Variants in SLC5A3 observed in about 807,000 individuals in gnomAD.
The protein encoded by SLC5A3 is sodium/myo-inositol cotransporter.
Under a neutral mutation model 43.2 loss-of-function variants are expected in SLC5A3, and 10 were observed. That is an observed-to-expected ratio of 0.23 (90% CI 0.14 to 0.39). SLC5A3 has a LOEUF of 0.39. Among genes scored for constraint, SLC5A3 ranks in the 10% least tolerant of loss-of-function variants. The pLI, the probability that SLC5A3 is intolerant of heterozygous loss-of-function variation, is 1.00. For synonymous variants in SLC5A3, 349 were observed against 322.0 expected, an observed-to-expected ratio of 1.08 and a Z score of -0.90; for missense variants, 608 against 893.4, an observed-to-expected ratio of 0.68 and a Z score of 4.07.
chr21:34,078,168 C>T (rs1033736890), intron 1 of SLC5A3, among the ~76,000 whole-genome samples: 5 of 152,100 alleles, frequency 3.3e-5, no homozygotes, highest in Non-Finnish European at 7.4e-5. Flanking sequence ...ATGGGCCCTC[C>T]CTAAACAGCT....
At chr21:34,081,379 A>G (rs554898994) in intron 1 of SLC5A3, among the ~76,000 whole-genome samples, 1 of 152,310 alleles carries the variant, frequency 6.6e-6, no homozygotes, top group Admixed American at 6.5e-5. Context: ...TACTTAATAA[A>G]ATACTTAAGG....
rs532811229 is a variant in SLC5A3 at position 34,103,325 on chromosome 21, A to AC, written c.*5970_*5971insC. ...AACTAGTGAAGGAAGTAAAAAAAAA[A>AC]AAAAAACATGCATTACATTGACATA... On this transcript the variant is annotated 3_prime_UTR_variant, in exon 2 of 2. Transcript: ENST00000381151. 1.4e-5 allele frequency: 14 copies of AC among 999,154 alleles called. No individual in the cohort carries two copies. In the East Asian group the frequency reaches 3.4e-4, roughly 24 times the overall value. 61.9% of individuals were successfully genotyped at this position (999,154 alleles called of 1,614,324 possible).
intron 1 of SLC5A3, among the ~76,000 whole-genome samples, chr21:34,080,291 A>C (rs1989429858): frequency 6.6e-6 from 1 of 152,200 alleles, no homozygotes; most frequent in Non-Finnish European, 1.5e-5. Context: ...CTCATTTTCA[A>C]ATACATGCAG....
chr21:34,105,100 T>A lies in SLC5A3; in HGVS notation c.*7745T>A. The stretch of plus-strand genomic sequence containing the variant: ...AATGCAAAAGCTTTATTTTTTTTAA[T>A]AATGCCATACTCCATTAGTGTCAGA... On this transcript the variant is annotated 3_prime_UTR_variant, in exon 2 of 2. Transcript: ENST00000381151. 2.0e-6 allele frequency: 2 copies of A among 1,000,216 alleles called. No individual in the cohort carries two copies. The highest frequency in any genetic ancestry group is 9.4e-5 in the South Asian group (2 of 21,290). The allele number at this position is 1,000,216 out of a possible 1,614,324, so 62.0% of individuals were successfully genotyped here.
chr21:34,080,095 A>G (rs953372958), intron 1 of SLC5A3, among the ~76,000 whole-genome samples: 2 of 152,168 alleles, frequency 1.3e-5, no homozygotes, highest in Non-Finnish European at 2.9e-5. Context: ...CTCCTGACAT[A>G]CTACTGAGGG....
Position 34,105,132 on chromosome 21 carries a change from T to C in SLC5A3, c.*7777T>C, listed in dbSNP as rs1448836943. ...ATACTCCATTAGTGTCAGATGATGG[T>C]ATGGAATTTGTTCCCTTGCTTTCCC... On this transcript the variant is annotated 3_prime_UTR_variant, in exon 2 of 2. Coordinates refer to ENST00000381151, the MANE Select transcript of SLC5A3 (RefSeq NM_006933.7). 5.0e-6 allele frequency: 5 copies of C among 1,000,234 alleles called. No homozygotes were observed. The East Asian group carries it at 4.5e-4, about 91-fold the overall frequency. 62.0% of individuals were successfully genotyped at this position (1,000,234 alleles called of 1,614,324 possible).
chr21:34,085,555 A>C (rs112967884), intron 1 of SLC5A3, among the ~76,000 whole-genome samples: 1,741 of 151,652 alleles, frequency 0.011, 37 homozygotes, highest in South Asian at 0.081. Flanking sequence ...GCAAACTTAG[A>C]TATATCATTT....
chr21:34,100,583 T>G lies in SLC5A3; in HGVS notation c.*3228T>G. ...GGCACAAAGAGCCTGGCCAGGGTCA[T>G]GTAGCCATAGCTCTTAGGGATGATA... On this transcript the variant is annotated 3_prime_UTR_variant, in exon 2 of 2. Coordinates refer to ENST00000381151, the MANE Select transcript of SLC5A3 (RefSeq NM_006933.7). 2 of 1,000,274 alleles carry G rather than the reference T, an allele frequency of 2.0e-6. No individual in the cohort carries two copies. The highest frequency in any genetic ancestry group is 9.4e-5 in the South Asian group (2 of 21,286). The allele number at this position is 1,000,274 out of a possible 1,614,324, so 62.0% of individuals were successfully genotyped here.
chr21:34,076,643 TAAAA>T (rs781655741), intron 1 of SLC5A3, among the ~76,000 whole-genome samples: 7 of 152,166 alleles, frequency 4.6e-5, no homozygotes, highest in Non-Finnish European at 8.8e-5. Context: ...AGTGTGTATA[TAAAA>T]AAAGTTATTT....
rs1979105238 is a variant in SLC5A3 at position 34,098,999 on chromosome 21, T to TAAA, written c.*1646_*1647insAAA. On this transcript the variant is annotated 3_prime_UTR_variant, in exon 2 of 2. Transcript: ENST00000381151. ...ATTTTGAATCAAAACTCAGTCTTTTTAATTTTTTTGTAGTCTATAAACTAG... is the reference window on the plus strand; with the variant it reads ...ATTTTGAATCAAAACTCAGTCTTTTTAAAAATTTTTTTGTAGTCTATAAACTAG... The TAAA allele has an allele frequency of 1.0e-6, 1 of 990,950 alleles. No homozygotes were observed. 61.4% of individuals were successfully genotyped at this position (990,950 alleles called of 1,614,324 possible).
At chr21:34,092,394 T>C (rs909060920) in intron 1 of SLC5A3, among the ~76,000 whole-genome samples, 2 of 151,866 alleles carry the variant, frequency 1.3e-5, no homozygotes, top group Non-Finnish European at 2.9e-5. Context: ...TGGTATGGTA[T>C]CCAGTGAGAA....
At chr21:34,090,259 C>T (rs1978617542) in intron 1 of SLC5A3, among the ~76,000 whole-genome samples, 1 of 152,214 alleles carries the variant, frequency 6.6e-6, no homozygotes, top group African/African-American at 2.4e-5. Flanking sequence ...CCTTGCTCCA[C>T]ATTTTTAAAG....
Position 34,104,748 on chromosome 21 carries a change from A to G in SLC5A3, c.*7393A>G. The G allele has an allele frequency of 1.0e-6, 1 of 1,000,312 alleles. No homozygotes were observed. Among genetic ancestry groups the G allele is most frequent in the African/African-American group, 1.7e-5 (1 of 57,356 alleles). The allele number at this position is 1,000,312 out of a possible 1,614,324, so 62.0% of individuals were successfully genotyped here. On this transcript the variant is annotated 3_prime_UTR_variant, in exon 2 of 2. Transcript: ENST00000381151. Reference sequence around the variant, plus strand: ...AGTGCAGGAAAGAGAAGTTTGAGGAACACCCTTGGCTTAGCAACATGTGAT... The same window carrying G: ...AGTGCAGGAAAGAGAAGTTTGAGGAGCACCCTTGGCTTAGCAACATGTGAT...
At chr21:34,087,535 C>T (rs532307438) in intron 1 of SLC5A3, among the ~76,000 whole-genome samples, 3 of 152,188 alleles carry the variant, frequency 2.0e-5, no homozygotes, top group South Asian at 4.2e-4. Flanking sequence ...AGTTTTATAG[C>T]GTGTTAGGTG....
At chr21:34,083,030 T>G (rs1190676375) in intron 1 of SLC5A3, among the ~76,000 whole-genome samples, 3 of 152,194 alleles carry the variant, frequency 2.0e-5, no homozygotes, top group Admixed American at 6.5e-5. Flanking sequence ...TAAACTGGCA[T>G]TTTTCTGCTT....
chr21:34,092,204 A>G (rs1978733472), intron 1 of SLC5A3, among the ~76,000 whole-genome samples: 1 of 152,186 alleles, frequency 6.6e-6, no homozygotes, highest in Non-Finnish European at 1.5e-5. Flanking sequence ...ACTGAAATTC[A>G]AGGCTGTGAC....
intron 1 of SLC5A3, among the ~76,000 whole-genome samples, chr21:34,078,498 A>G (rs1368956291): frequency 6.6e-6 from 1 of 152,116 alleles, no homozygotes; most frequent in Non-Finnish European, 1.5e-5. Flanking sequence ...TTCTTAATTC[A>G]TGACTCACAC....
At position 34,105,598 on chromosome 21, in the gene SLC5A3, G is replaced by A. The variant is rs1979441354; in HGVS notation, c.*8243G>A. 1 of 999,852 alleles carries A rather than the reference G, an allele frequency of 1.0e-6. No individual in the cohort carries two copies. The highest frequency in any genetic ancestry group is 6.2e-5 in the Admixed American group (1 of 16,260). 61.9% of individuals were successfully genotyped at this position (999,852 alleles called of 1,614,324 possible). A position where few individuals can be genotyped will look rare whatever the true frequency, so the allele number is the denominator to read the frequency against. On this transcript the variant is annotated 3_prime_UTR_variant, in exon 2 of 2. Transcript: ENST00000381151. The stretch of plus-strand genomic sequence containing the variant: ...TTGTAAGAGACCAGTTAGTACACTG[G>A]GGGTGTATATTGTGTACATGTGTCA...
At position 34,105,893 on chromosome 21, in the gene SLC5A3, T is replaced by G; in HGVS notation, c.*8538T>G. On this transcript the variant is annotated 3_prime_UTR_variant, in exon 2 of 2. Coordinates refer to ENST00000381151, the MANE Select transcript of SLC5A3 (RefSeq NM_006933.7). Reference sequence around the variant, plus strand: ...TGTAGATTTAAGATTGTTAAAATCATGACAATTCTAACTTGTCTATTCTAA... The same window carrying G: ...TGTAGATTTAAGATTGTTAAAATCAGGACAATTCTAACTTGTCTATTCTAA... 1 of 987,778 alleles carries G rather than the reference T, an allele frequency of 1.0e-6. No homozygotes were observed. The highest frequency in any genetic ancestry group is 1.2e-6 in the Non-Finnish European group (1 of 818,680). The allele number at this position is 987,778 out of a possible 1,614,324, so 61.2% of individuals were successfully genotyped here. A position where few individuals can be genotyped will look rare whatever the true frequency, so the allele number is the denominator to read the frequency against.
Sources: gnomAD v4.1 joint callset for allele counts (sites outside exome capture counted in the v4.1 genomes callset) on GRCh38, gnomAD v4.1.1 for gene constraint, MANE v1.5 for transcripts, NCBI Gene and HGNC (gene_info 2026-07-23, HGNC 2026-07-21) for gene names.